The following DENND1A variants were observed in gnomAD, a reference collection of about 807,000 sequenced individuals.
DENND1A encodes the protein DENN domain containing 1A.
In DENND1A, 51 loss-of-function variants were observed where a neutral mutation model predicts 113.7. The ratio of observed to expected loss-of-function variants is 0.45; its 90% CI spans 0.36 to 0.57. DENND1A has a LOEUF of 0.57. DENND1A is among the 20% of genes least tolerant of loss of function. The pLI is 0.00. For synonymous variants in DENND1A, 565 were observed against 570.8 expected (o/e 0.99, Z 0.14); for missense variants, 1,258 against 1,395.9 (o/e 0.90, Z 1.57).
intron 5 of DENND1A, among the ~76,000 whole-genome samples, chr9:123,685,114 C>T (rs979571387): frequency 1.3e-5 from 2 of 152,224 alleles, no homozygotes; most frequent in Non-Finnish European, 1.5e-5. Flanking sequence ...TATCTACCCT[C>T]ACATGGTTCT....
chr9:123,394,189 G>A (rs1360140859), intron 21 of DENND1A, among the ~76,000 whole-genome samples: 1 of 151,994 alleles, frequency 6.6e-6, no homozygotes, highest in African/African-American at 2.4e-5. Context: ...GTAGAGATGG[G>A]GTTTCACCAT....
intron 2 of DENND1A, among the ~76,000 whole-genome samples, chr9:123,808,793 A>G (rs1333058848): frequency 3.3e-5 from 5 of 152,166 alleles, no homozygotes; most frequent in Non-Finnish European, 5.9e-5. Context: ...CCATCCTTCT[A>G]GTCTCAGCTC....
At chr9:123,842,080 T>C (rs1841922431) in intron 2 of DENND1A, among the ~76,000 whole-genome samples, 1 of 152,184 alleles carries the variant, frequency 6.6e-6, no homozygotes, top group Non-Finnish European at 1.5e-5. Flanking sequence ...TTGTATTAAG[T>C]CCCATGTTTC....
chr9:123,712,114 T>C (rs2066675835), intron 5 of DENND1A, among the ~76,000 whole-genome samples: 1 of 152,246 alleles, frequency 6.6e-6, no homozygotes, highest in Non-Finnish European at 1.5e-5. Context: ...CTAGGAATTC[T>C]ACATTTATAA....
intron 13 of DENND1A, among the ~76,000 whole-genome samples, chr9:123,497,823 A>G (rs2052074672): frequency 6.6e-6 from 1 of 151,884 alleles, no homozygotes; most frequent in African/African-American, 2.4e-5. Context: ...CAAAAAAAAA[A>G]AAAAAAAAGA....
chr9:123,411,844 A>G lies in DENND1A; in HGVS notation c.1489-15T>C. On this transcript the variant is annotated splice_polypyrimidine_tract_variant and intron_variant, in intron 19 of 23. Coordinates refer to ENST00000394215, the MANE Select transcript of DENND1A (RefSeq NM_001352964.2). ...AGTCTCTGCAGCTGCATTAAAGTGGAAACTTACAACATCAGGACACACTGA... is the reference window on the plus strand; with the variant it reads ...AGTCTCTGCAGCTGCATTAAAGTGGGAACTTACAACATCAGGACACACTGA... The G allele has an allele frequency of 1.0e-6, 1 of 985,824 alleles. No individual in the cohort carries two copies. The highest frequency in any genetic ancestry group is 1.2e-6 in the Non-Finnish European group (1 of 829,984). 61.1% of individuals were successfully genotyped at this position (985,824 alleles called of 1,614,324 possible).
chr9:123,893,780 T>C (rs1208569219), intron 1 of DENND1A, among the ~76,000 whole-genome samples: 1 of 152,246 alleles, frequency 6.6e-6, no homozygotes, highest in East Asian at 1.9e-4. Context: ...CCCAGGTCTG[T>C]TCTTACTTCA....
intron 23 of DENND1A, 66 bp from the exon 24 acceptor site, chr9:123,382,691 C>G (rs1001921875): frequency 6.6e-7 from 1 of 1,510,850 alleles, no homozygotes; most frequent in African/African-American, 1.4e-5. Context: ...TGCCCATTCC[C>G]ACACCACTTC....
At chr9:123,384,295 C>T (rs918185710) in intron 22 of DENND1A, among the ~76,000 whole-genome samples, 10 of 152,254 alleles carry the variant, frequency 6.6e-5, no homozygotes, top group African/African-American at 1.7e-4. Context: ...CTCTTGCTCC[C>T]GCCCTGCTCT....
chr9:123,662,571 G>C lies in DENND1A; in HGVS notation c.507+4455C>G, dbSNP rs189677679. Among the ~76,000 whole-genome samples, 3 of 152,238 alleles carry C rather than the reference G, an allele frequency of 2.0e-5. No individual in the cohort carries two copies. In the East Asian group the frequency reaches 5.8e-4, roughly 29 times the overall value. On this transcript the variant is annotated intron_variant, in intron 8 of 23. Coordinates refer to ENST00000394215, the MANE Select transcript of DENND1A (RefSeq NM_001352964.2). ...GAGCGAGACTGTCTCAAAAAAAGAA[G>C]AAGAGAGTTATTTTTAGTCATGCTA...
chr9:123,477,944 T>G (rs915314291), intron 13 of DENND1A, among the ~76,000 whole-genome samples: 1 of 152,148 alleles, frequency 6.6e-6, no homozygotes, highest in Non-Finnish European at 1.5e-5. Flanking sequence ...TGGCTCCACG[T>G]GGTTCTTGGA....
At chr9:123,793,958 T>C (rs1833390024) in intron 2 of DENND1A, among the ~76,000 whole-genome samples, 1 of 152,210 alleles carries the variant, frequency 6.6e-6, no homozygotes, top group South Asian at 2.1e-4. Flanking sequence ...GGGAATCAAT[T>C]TCTTTCTTCA....
chr9:123,758,991 CG>C (rs2070808804), intron 4 of DENND1A, among the ~76,000 whole-genome samples: 1 of 151,976 alleles, frequency 6.6e-6, no homozygotes, highest in African/African-American at 2.4e-5. Flanking sequence ...TTAGTAGAGA[CG>C]GGGTTTCTCC....
At chr9:123,489,175 T>C (rs1322499238) in intron 13 of DENND1A, among the ~76,000 whole-genome samples, 1 of 152,128 alleles carries the variant, frequency 6.6e-6, no homozygotes, top group Non-Finnish European at 1.5e-5. Context: ...GGGACTATGT[T>C]TGAGACCACA....
chr9:123,699,927 A>G (rs1486871463), intron 5 of DENND1A, among the ~76,000 whole-genome samples: 2 of 151,900 alleles, frequency 1.3e-5, no homozygotes, highest in African/African-American at 2.4e-5. Flanking sequence ...CAAACTCCCA[A>G]CCTCAGGTGA....
chr9:123,726,409 G>C (rs1223171812), intron 5 of DENND1A, among the ~76,000 whole-genome samples: 1 of 152,138 alleles, frequency 6.6e-6, no homozygotes, highest in Non-Finnish European at 1.5e-5. Flanking sequence ...ACTCCATGCT[G>C]CCTCTCCCTA....
At chr9:123,403,539 G>A (rs2043678468) in intron 20 of DENND1A, 49 bp from the exon 21 acceptor site, 2 of 1,537,776 alleles carry the variant, frequency 1.3e-6, no homozygotes, top group African/African-American at 2.7e-5. Flanking sequence ...AGTTGGAAAA[G>A]CCATACAGGT....
chr9:123,661,628 T>C (rs184831128), intron 8 of DENND1A, among the ~76,000 whole-genome samples: 11 of 152,306 alleles, frequency 7.2e-5, no homozygotes, highest in African/African-American at 2.6e-4. Context: ...AGTGCCTCAC[T>C]CTTAAATGTG....
intron 1 of DENND1A, among the ~76,000 whole-genome samples, chr9:123,907,786 G>C (rs1225445393): frequency 8.1e-6 from 1 of 123,906 alleles, no homozygotes; most frequent in Admixed American, 8.2e-5. Flanking sequence ...GTAATTTACA[G>C]ATTCAATGCC....
Sources: gnomAD v4.1 joint callset for allele counts (sites outside exome capture counted in the v4.1 genomes callset) on GRCh38, gnomAD v4.1.1 for gene constraint, MANE v1.5 for transcripts, NCBI Gene and HGNC (gene_info 2026-07-23, HGNC 2026-07-21) for gene names.